Variants in STK4 observed in about 807,000 individuals in gnomAD.
STK4 encodes the protein serine/threonine-protein kinase 4.
Under a neutral mutation model 64.9 loss-of-function variants are expected in STK4, and 30 were observed. That is an observed-to-expected ratio of 0.46 (90% confidence interval 0.35 to 0.63). STK4 has a LOEUF of 0.63. Among genes scored for constraint, STK4 ranks in the 20% least tolerant of loss-of-function variants. The pLI, the probability that STK4 is intolerant of heterozygous loss-of-function variation, is 0.01. For missense variants in STK4, 466 were observed against 598.5 expected (o/e 0.78, Z 2.31); for synonymous variants, 177 against 199.0 (o/e 0.89, Z 0.93).
chr20:45,039,958 C>T (rs762464542), intron 10 of STK4, among the ~76,000 whole-genome samples: 10 of 151,686 alleles, frequency 6.6e-5, no homozygotes, highest in Non-Finnish European at 1.2e-4. Context: ...TATAGAGTCC[C>T]CTAAGAGTGT....
chr20:45,025,143 G>A lies in STK4; in HGVS notation c.1305+13G>A. The A allele has an allele frequency of 6.3e-7, 1 of 1,598,076 alleles. No individual in the cohort carries two copies. The highest frequency in any genetic ancestry group is 1.3e-5 in the African/African-American group (1 of 74,232). ...AGACTACGAGTTTGTAAGTAGTGTTGGAAGTAAATGGTTATGTCTTCAGGG... is the reference window on the plus strand; with the variant it reads ...AGACTACGAGTTTGTAAGTAGTGTTAGAAGTAAATGGTTATGTCTTCAGGG... On this transcript the variant is annotated intron_variant, in intron 10 of 10. Transcript: ENST00000372806.
chr20:45,033,609 C>A (rs2068480773), intron 10 of STK4, among the ~76,000 whole-genome samples: 1 of 152,124 alleles, frequency 6.6e-6, no homozygotes, highest in African/African-American at 2.4e-5. Flanking sequence ...CAGAGTCTTG[C>A]TCTGTTGCCC....
Position 45,001,318 on chromosome 20 carries a change from A to T in STK4, c.1112A>T (p.Asn371Ile). ...TCACAACTGGGCACCATGGTGATCAATGCAGAGGATGAGGAAGAGGAAGGA... is the reference window on the plus strand; with the variant it reads ...TCACAACTGGGCACCATGGTGATCATTGCAGAGGATGAGGAAGAGGAAGGA... Reference protein sequence around the residue: ...LPSQLGTMVINAEDEEEEGTM... With the variant: ...LPSQLGTMVIIAEDEEEEGTM... The change falls in exon 9 of 11, where the codon AAT (asparagine) becomes ATT (isoleucine). Residue 371 changes from asparagine (N) to isoleucine (I), a missense_variant. Asn to Ile is a moderately radical substitution (Grantham distance 149). Coordinates refer to ENST00000372806, the MANE Select transcript of STK4 (RefSeq NM_006282.5). The T allele has an allele frequency of 6.2e-7, 1 of 1,613,670 alleles. No individual in the cohort carries two copies. The highest frequency in any genetic ancestry group is 8.5e-7 in the Non-Finnish European group (1 of 1,179,608).
intron 10 of STK4, among the ~76,000 whole-genome samples, chr20:45,064,112 G>C (rs184384478): frequency 1.6e-4 from 24 of 152,124 alleles, no homozygotes; most frequent in East Asian, 7.7e-4. Flanking sequence ...CCGGCCAAGG[G>C]GGGGGGTCCA....
At chr20:45,061,966 G>A (rs575831810) in intron 10 of STK4, among the ~76,000 whole-genome samples, 4 of 141,006 alleles carry the variant, frequency 2.8e-5, no homozygotes, top group Admixed American at 7.6e-5. Context: ...TGCAACCCCC[G>A]TCTCTTGAGT....
intron 5 of STK4, among the ~76,000 whole-genome samples, chr20:44,987,961 T>C (rs1264592632): frequency 6.6e-6 from 1 of 151,754 alleles, no homozygotes; most frequent in Non-Finnish European, 1.5e-5. Context: ...ACTGGTGTTA[T>C]GTACGGTTTT....
intron 10 of STK4, among the ~76,000 whole-genome samples, chr20:45,039,610 T>C (rs1038665063): frequency 1.3e-5 from 2 of 152,146 alleles, no homozygotes; most frequent in African/African-American, 4.8e-5. Flanking sequence ...CTGGTTGAGC[T>C]TGCAGCTCAA....
At chr20:45,006,826 C>T (rs1233894990) in intron 9 of STK4, among the ~76,000 whole-genome samples, 2 of 152,142 alleles carry the variant, frequency 1.3e-5, no homozygotes, top group Admixed American at 6.5e-5. Context: ...TGTCCTGGCT[C>T]CTATCTTTAT....
In STK4 at chr20:44,981,841, C is replaced by A; in HGVS notation, c.258C>A (p.Val86=). The A allele has an allele frequency of 6.2e-7, 1 of 1,611,038 alleles. No individual in the cohort carries two copies. Among genetic ancestry groups the A allele is most frequent in the South Asian group, 1.1e-5 (1 of 90,996 alleles). ...TCTCTCTCTCTAGCCCTCATGTAGTCAAATATTATGGCAGTTATTTTAAGA... is the reference window on the plus strand; with the variant it reads ...TCTCTCTCTCTAGCCCTCATGTAGTAAAATATTATGGCAGTTATTTTAAGA... The part of the protein sequence containing the change: ...IMQQCDSPHV[V]KYYGSYFKNT... Residue 86 remains valine (V), a synonymous_variant, in exon 4 of 11, where the codon GTC becomes GTA. Transcript: ENST00000372806.
intron 10 of STK4, among the ~76,000 whole-genome samples, chr20:45,066,282 T>G (rs1197139529): frequency 2.6e-5 from 4 of 152,274 alleles, no homozygotes; most frequent in African/African-American, 7.2e-5. Context: ...AATGTATCCC[T>G]TGTGGATAGG....
At chr20:45,025,377 G>A (rs1247234810) in intron 10 of STK4, among the ~76,000 whole-genome samples, 1 of 152,154 alleles carries the variant, frequency 6.6e-6, no homozygotes, top group African/African-American at 2.4e-5. Context: ...AATTGTTCAT[G>A]GTGAGAGAAG....
intron 2 of STK4, chr20:44,974,921 AG>A (rs1401129170): frequency 1.3e-5 from 2 of 152,238 alleles, no homozygotes; most frequent in African/African-American, 4.8e-5. Flanking sequence ...GTGGCAGAGT[AG>A]AGCCAAAGCT....
At chr20:44,967,144 G>A in intron 1 of STK4, 2 of 985,318 alleles carry the variant, frequency 2.0e-6, no homozygotes, top group Non-Finnish European at 2.4e-6. Flanking sequence ...GGATGGTGGA[G>A]GGTAGCATTT....
At chr20:45,058,356 A>G (rs1978685925) in intron 10 of STK4, among the ~76,000 whole-genome samples, 1 of 152,296 alleles carries the variant, frequency 6.6e-6, no homozygotes, top group African/African-American at 2.4e-5. Flanking sequence ...ACTGAGTGCT[A>G]TGTACTTGCA....
chr20:45,016,412 A>G (rs991900016), intron 9 of STK4, among the ~76,000 whole-genome samples: 16 of 152,162 alleles, frequency 1.1e-4, no homozygotes, highest in African/African-American at 3.9e-4. Context: ...GGTGAGATTT[A>G]CAATAGAAGA....
intron 9 of STK4, among the ~76,000 whole-genome samples, chr20:45,006,010 A>G (rs1260998041): frequency 6.6e-6 from 1 of 151,010 alleles, no homozygotes; most frequent in Non-Finnish European, 1.5e-5. Flanking sequence ...TCTTTTCTAG[A>G]TGATTTACTT....
chr20:45,001,724 C>T (rs1424132911), intron 9 of STK4, among the ~76,000 whole-genome samples: 1 of 152,194 alleles, frequency 6.6e-6, no homozygotes, highest in East Asian at 1.9e-4. Context: ...ACTGTACATA[C>T]ATCTTCAGTT....
chr20:45,018,295 G>A (rs2068180732), intron 9 of STK4, among the ~76,000 whole-genome samples: 1 of 152,132 alleles, frequency 6.6e-6, no homozygotes, highest in African/African-American at 2.4e-5. Context: ...TCTCTGGTTT[G>A]CACAGAATTA....
chr20:44,989,557 G>A (rs1213346861), intron 5 of STK4, among the ~76,000 whole-genome samples: 1 of 152,084 alleles, frequency 6.6e-6, no homozygotes, highest in African/African-American at 2.4e-5. Flanking sequence ...GGGTTGTCTT[G>A]AAGGTGTCCT....
Sources: gnomAD v4.1 joint callset for allele counts (sites outside exome capture counted in the v4.1 genomes callset) on GRCh38, gnomAD v4.1.1 for gene constraint, MANE v1.5 for transcripts, NCBI Gene and HGNC (gene_info 2026-07-23, HGNC 2026-07-21) for gene names.